PMPCB: variants seen among roughly 807,000 people sequenced by gnomAD.
The protein encoded by PMPCB is mitochondrial-processing peptidase subunit beta.
PMPCB carries 46 observed loss-of-function variants against 61.5 expected under a neutral mutation model. The ratio of observed to expected loss-of-function variants is 0.75; its 90% confidence interval spans 0.59 to 0.96. The LOEUF is 0.96. Ranked by LOEUF, PMPCB falls within the 40% of genes least tolerant of loss-of-function variation. PMPCB has a pLI of 0.00. For synonymous variants in PMPCB, 191 were observed against 201.6 expected (o/e 0.95, Z 0.44); for missense variants, 590 against 602.4 (o/e 0.98, Z 0.22).
At chr7:103,344,465 G>A in the PMPCB span, 13 of 1,442,212 alleles carry the variant, frequency 9.0e-6, no homozygotes, top group Admixed American at 1.7e-5. Context: ...TAGTCGCCAG[G>A]GTCAAGGGTA....
intron 2 of PMPCB, 83 bp downstream of exon 2, chr7:103,298,791 GGCTGGTGGTTC>G: frequency 7.4e-7 from 1 of 1,348,750 alleles, no homozygotes; most frequent in Non-Finnish European, 1.0e-6. Flanking sequence ...CTTTTTCGTT[GGCTGGTGGTTC>G]AAAAAGGGTG....
chr7:103,309,824 G>A (rs1262050973), intron 8 of PMPCB, among the ~76,000 whole-genome samples: 1 of 152,144 alleles, frequency 6.6e-6, no homozygotes, highest in African/African-American at 2.4e-5. Flanking sequence ...AGCAAACATG[G>A]TAAAATAACA....
the PMPCB span, among the ~76,000 whole-genome samples, chr7:103,343,223 A>G: frequency 2.7e-3 from 411 of 151,432 alleles, no homozygotes; most frequent in Admixed American, 4.3e-3. Flanking sequence ...CTGGTCTCGA[A>G]CTGCTGACCT....
intron 12 of PMPCB, chr7:103,322,030 CCTCTT>C (rs1310637888): frequency 6.2e-7 from 1 of 1,613,910 alleles, no homozygotes; most frequent in African/African-American, 1.3e-5. Flanking sequence ...CTGACTTCCT[CCTCTT>C]CTTTCTCCTT....
chr7:103,299,795 G>A (rs1189875835), intron 3 of PMPCB, among the ~76,000 whole-genome samples: 1 of 152,048 alleles, frequency 6.6e-6, no homozygotes, highest in Non-Finnish European at 1.5e-5. Context: ...TTTTGAGATA[G>A]GATCTGGCTC....
chr7:103,298,421 A>G, intron 1 of PMPCB, 147 bp from the exon 2 acceptor site: 6 of 762,572 alleles, frequency 7.9e-6, no homozygotes, highest in South Asian at 3.6e-5. Context: ...TAGGCCAGGC[A>G]GAGATCTCAG....
intron 1 of PMPCB, 48 bp downstream of exon 1, chr7:103,297,606 C>G (rs1311586044): frequency 6.2e-7 from 1 of 1,608,338 alleles, no homozygotes; most frequent in Non-Finnish European, 8.5e-7. Flanking sequence ...TCGCCAGACC[C>G]GGCGCAGCGC....
chr7:103,311,876 G>C lies in PMPCB; in HGVS notation c.1309G>C (p.Glu437Gln), dbSNP rs1216344061. The part of the protein sequence containing the change: ...LCYNRRIPIP[E>Q]LEARIDAVNA... ...CTATAATAGAAGGATTCCCATCCCT[G>C]AGCTTGAAGCAAGAATTGATGTAAG... Residue 437 changes from glutamate (E) to glutamine (Q), a missense_variant, in exon 11 of 13, where the codon GAG becomes CAG. Physicochemically the swap from Glu to Gln is conservative, Grantham distance 29 (BLOSUM62 2). Transcript: ENST00000249269. 6.2e-7 allele frequency: 1 copy of C among 1,611,072 alleles called. No homozygotes were observed. The highest frequency in any genetic ancestry group is 1.1e-5 in the South Asian group (1 of 90,762).
chr7:103,304,295 C>G, intron 5 of PMPCB, 116 bp from the exon 6 acceptor site: 1 of 705,024 alleles, frequency 1.4e-6, no homozygotes, highest in Non-Finnish European at 2.5e-6. Context: ...TTGCCTGTAT[C>G]CTATTTCTGA....
At chr7:103,326,402 C>T (rs1205149983) in intron 12 of PMPCB, 2 of 809,422 alleles carry the variant, frequency 2.5e-6, no homozygotes, top group Non-Finnish European at 4.0e-6. Flanking sequence ...CTGAATATTG[C>T]AGAGAAGGAG....
At chr7:103,298,778 T>C in intron 2 of PMPCB, 70 bp downstream of exon 2, 1 of 1,475,286 alleles carries the variant, frequency 6.8e-7, no homozygotes, top group Admixed American at 2.0e-5. Flanking sequence ...TTTTAATCTT[T>C]AGCTTTTTCG....
intron 8 of PMPCB, 57 bp downstream of exon 8, chr7:103,309,152 A>G (rs747223764): frequency 1.4e-6 from 2 of 1,391,754 alleles, no homozygotes; most frequent in South Asian, 2.7e-5. Context: ...ATGTTTTCTT[A>G]AATATAAGTT....
rs760931825 is a variant in PMPCB, at chr7:103,309,076, G to A, written c.974G>A (p.Arg325His). The change falls in exon 8 of 13, where the codon CGC (arginine) becomes CAC (histidine). Residue 325 changes from arginine to histidine, a missense_variant. Physicochemically the swap from Arg to His is conservative, Grantham distance 29 (BLOSUM62 0). Transcript: ENST00000249269. Reference sequence around the variant, plus strand: ...AACACGCTGATTGGCAACTGGGATCGCTCTTTTGGGGGAGGAATGGTAAGT... The same window carrying A: ...AACACGCTGATTGGCAACTGGGATCACTCTTTTGGGGGAGGAATGGTAAGT... ...VANTLIGNWDRSFGGGMNLSS... is the reference protein window; with the variant it reads ...VANTLIGNWDHSFGGGMNLSS... The A allele has an allele frequency of 5.0e-6, 8 of 1,603,610 alleles. No homozygotes were observed. The highest frequency in any genetic ancestry group is 4.5e-5 in the East Asian group (2 of 44,424).
At position 103,313,480 on chromosome 7, in the gene PMPCB, A is replaced by T. The variant is rs1477494434; in HGVS notation, c.*1209A>T. On this transcript the variant is annotated 3_prime_UTR_variant, in exon 13 of 13. Coordinates refer to ENST00000249269, the MANE Select transcript of PMPCB (RefSeq NM_004279.3). Reference sequence around the variant, plus strand: ...ATTCATTAAGAGTTCTGATAAATCTACTTCCTTACAGAATAGGTAAAAGAG... The same window carrying T: ...ATTCATTAAGAGTTCTGATAAATCTTCTTCCTTACAGAATAGGTAAAAGAG... 1.2e-5 allele frequency: 12 copies of T among 985,022 alleles called. No individual in the cohort carries two copies. Among genetic ancestry groups the T allele is most frequent in the Non-Finnish European group, 1.3e-5 (11 of 829,694 alleles). The allele number at this position is 985,022 out of a possible 1,614,324, so 61.0% of individuals were successfully genotyped here.
chr7:103,313,256 A>G lies in PMPCB; in HGVS notation c.*985A>G, dbSNP rs1172433055. On this transcript the variant is annotated 3_prime_UTR_variant, in exon 13 of 13. Coordinates refer to ENST00000249269, the MANE Select transcript of PMPCB (RefSeq NM_004279.3). The stretch of plus-strand genomic sequence containing the variant: ...GATGAGAGATACATATAGCCCTCTG[A>G]GTGTTAATAAGAGAAAAAATTTCAG... The G allele has an allele frequency of 7.4e-7, 1 of 1,356,426 alleles. No homozygotes were observed. The highest frequency in any genetic ancestry group is 9.5e-7 in the Non-Finnish European group (1 of 1,057,988). The allele number at this position is 1,356,426 out of a possible 1,614,324, so 84.0% of individuals were successfully genotyped here.
At position 103,297,473 on chromosome 7, in the gene PMPCB, C is replaced by G. The variant is rs778469917; in HGVS notation, c.14C>G (p.Ala5Gly). The G allele has an allele frequency of 3.9e-6, 6 of 1,543,346 alleles. No homozygotes were observed. Among genetic ancestry groups the G allele is most frequent in the East Asian group, 2.3e-5 (1 of 43,682 alleles). The part of the protein sequence containing the change: MAAA[A>G]ARVVLSSAAR... Reference sequence around the variant, plus strand: ...CTTCTAGCAGAAATGGCGGCTGCGGCGGCTCGAGTGGTGTTGTCATCCGCG... The same window carrying G: ...CTTCTAGCAGAAATGGCGGCTGCGGGGGCTCGAGTGGTGTTGTCATCCGCG... Residue 5 changes from alanine (A) to glycine (G), a missense_variant, in exon 1 of 13, where the codon GCG becomes GGG. By Grantham distance (60) the Ala-to-Gly change is moderately conservative. Transcript: ENST00000249269.
the PMPCB span, chr7:103,337,662 A>T: frequency 1.7e-6 from 2 of 1,193,378 alleles, no homozygotes; most frequent in Non-Finnish European, 2.5e-6. Flanking sequence ...ATGATACTGT[A>T]TATCTTTTAA....
chr7:103,308,588 C>A (rs990308862), intron 7 of PMPCB, among the ~76,000 whole-genome samples: 1 of 152,002 alleles, frequency 6.6e-6, no homozygotes, highest in Non-Finnish European at 1.5e-5. Context: ...CACTGCACTC[C>A]AGGCTGGGCG....
intron 12 of PMPCB, chr7:103,328,822 T>A (rs533281217): frequency 1.3e-5 from 4 of 300,098 alleles, no homozygotes; most frequent in Admixed American, 5.2e-5. Flanking sequence ...GGCATTTCTC[T>A]ACTGTTGGAC....
Sources: allele counts gnomAD v4.1 joint callset (sites outside exome capture counted in the v4.1 genomes callset), GRCh38; gene constraint gnomAD v4.1.1; transcripts MANE v1.5; gene names NCBI Gene and HGNC (gene_info 2026-07-23, HGNC 2026-07-21).